Variants in ABCB10 observed in about 807,000 individuals in gnomAD.
The protein encoded by ABCB10 is ATP-binding cassette sub-family B member 10, mitochondrial.
ABCB10 carries 54 observed loss-of-function variants against 65.4 expected under a neutral mutation model. That is an observed-to-expected ratio of 0.83 (90% CI 0.66 to 1.04). The LOEUF (loss-of-function observed/expected upper bound fraction) is 1.04, where lower values mean the gene tolerates loss of function less well. ABCB10 is among the 50% of genes least tolerant of loss of function. The probability of loss-of-function intolerance (pLI) is 0.00; values close to 1 mark genes in which losing one functional copy is unlikely to be tolerated. For missense variants in ABCB10, 846 were observed against 976.6 expected (o/e 0.87, Z 1.78); for synonymous variants, 418 against 406.5 (o/e 1.03, Z -0.34).
In ABCB10 at chr1:229,558,214, G is replaced by T; in HGVS notation, c.439C>A (p.Leu147Met). ...GGGAGTCCGGCCGCTGCGGGGCGCA[G>T]CCGCCCCTTGTCCCCGGGAGGCGCC... is the stretch of plus-strand genomic sequence containing the variant. ...PAAPPGDKGR[L>M]RPAAAGLPEA... The change falls in exon 1 of 13, where the codon CTG becomes ATG. Residue 147 changes from leucine to methionine, a missense_variant. This residue lies in a region of ABCB10 where 632 missense variants were observed against 803.2 expected (regional missense o/e 0.79). Coordinates refer to ENST00000344517, the MANE Select transcript of ABCB10 (RefSeq NM_012089.3). The T allele has an allele frequency of 7.1e-7, 1 of 1,402,634 alleles. No individual in the cohort carries two copies. The highest frequency in any genetic ancestry group is 9.3e-7 in the Non-Finnish European group (1 of 1,079,652). 86.9% of individuals were successfully genotyped at this position (1,402,634 alleles called of 1,614,324 possible).
At chr1:229,519,819 G>GTAAGTAAA (rs1662260828) in intron 11 of ABCB10, among the ~76,000 whole-genome samples, 1 of 150,370 alleles carries the variant, frequency 6.7e-6, no homozygotes, top group Non-Finnish European at 1.5e-5. Flanking sequence ...AAGTAAGTAA[G>GTAAGTAAA]TAAATAAATA....
intron 9 of ABCB10, 42 bp from the exon 10 acceptor site, chr1:229,526,158 C>T: frequency 3.2e-6 from 5 of 1,566,970 alleles, no homozygotes; most frequent in East Asian, 2.3e-5. Flanking sequence ...TTCAAACAGA[C>T]TTAAAACATG....
At chr1:229,527,015 A>G (rs142605430) in intron 9 of ABCB10, among the ~76,000 whole-genome samples, 1 of 152,250 alleles carries the variant, frequency 6.6e-6, no homozygotes, top group Non-Finnish European at 1.5e-5. Flanking sequence ...TTTCAATAAA[A>G]AGTCAATGCT....
rs1044615419 is a variant in ABCB10, at chr1:229,539,611, C to G, written c.1204-20G>C. On this transcript the variant is annotated intron_variant, in intron 5 of 12. Transcript: ENST00000344517. ...CCCAGTCTGTCGAATGAAGAAAACA[C>G]AGAAGTCAGGTGGGAATCAAGGACC... is the stretch of plus-strand genomic sequence containing the variant. 2.5e-6 allele frequency: 4 copies of G among 1,609,008 alleles called. No homozygotes were observed. Among genetic ancestry groups the G allele is most frequent in the Middle Eastern group, 1.9e-4 (1 of 5,200 alleles).
At chr1:229,550,960 T>C (rs539225618) in intron 1 of ABCB10, among the ~76,000 whole-genome samples, 1 of 152,202 alleles carries the variant, frequency 6.6e-6, no homozygotes, top group African/African-American at 2.4e-5. Flanking sequence ...TTTTAAAAGA[T>C]AGTGATGGGG....
In ABCB10 at chr1:229,518,235, T is replaced by C. The variant is rs1166231893; in HGVS notation, c.2161A>G (p.Lys721Glu). ...AGTTTTCTGTATATCCCATTTGGTT[T>C]TGAAAGCAGCTCTTCATGTTTTCCA... is the stretch of plus-strand genomic sequence containing the variant. Reference protein sequence around the residue: ...EYGKHEELLSKPNGIYRKLMN... With the variant: ...EYGKHEELLSEPNGIYRKLMN... Residue 721 changes from lysine to glutamate, a missense_variant, in exon 13 of 13, where the codon AAA (lysine) becomes GAA (glutamate). Lys to Glu is a moderately conservative substitution (Grantham distance 56). Coordinates refer to ENST00000344517, the MANE Select transcript of ABCB10 (RefSeq NM_012089.3). 5.0e-6 allele frequency: 8 copies of C among 1,614,082 alleles called. No individual in the cohort carries two copies. The highest frequency in any genetic ancestry group is 6.8e-6 in the Non-Finnish European group (8 of 1,180,040).
chr1:229,529,364 A>AACAGTC (rs1663497541), intron 8 of ABCB10, among the ~76,000 whole-genome samples: 1 of 144,990 alleles, frequency 6.9e-6, no homozygotes, highest in Admixed American at 7.0e-5. Flanking sequence ...GTTTCAATGG[A>AACAGTC]ACAGTCACAT....
intron 8 of ABCB10, among the ~76,000 whole-genome samples, chr1:229,529,417 T>A (rs531872942): frequency 7.2e-6 from 1 of 138,848 alleles, no homozygotes; most frequent in Non-Finnish European, 1.5e-5. Context: ...ACACCTGTAA[T>A]CCCAGCACTT....
rs1662222953 is a variant in ABCB10 at position 229,518,254 on chromosome 1, T to A, written c.2142A>T (p.Lys714Asn). ...TTGGTTTTGAAAGCAGCTCTTCATG[T>A]TTTCCATATTCAGTAATTTTTCCTT... ...LDQGKITEYG[K>N]HEELLSKPNG... Residue 714 changes from lysine (K) to asparagine (N), a missense_variant, in exon 13 of 13, where the codon AAA (lysine) becomes AAT (asparagine). Around this residue, in one of 2 missense-constraint regions of ABCB10, gnomAD observed 632 missense variants for 803.2 expected, o/e 0.79. Coordinates refer to ENST00000344517, the MANE Select transcript of ABCB10 (RefSeq NM_012089.3). 1 of 1,614,060 alleles carries A rather than the reference T, an allele frequency of 6.2e-7. No individual in the cohort carries two copies. The highest frequency in any genetic ancestry group is 1.7e-5 in the Admixed American group (1 of 60,006).
intron 5 of ABCB10, 84 bp from the exon 6 acceptor site, chr1:229,539,675 T>C: frequency 1.4e-6 from 2 of 1,438,462 alleles, no homozygotes; most frequent in African/African-American, 1.5e-5. Context: ...GTAATGTCCC[T>C]TTTTCATTCA....
At chr1:229,540,578 T>C in intron 5 of ABCB10, 28 bp downstream of exon 5, 1 of 1,581,542 alleles carries the variant, frequency 6.3e-7, no homozygotes, top group Non-Finnish European at 8.6e-7. Context: ...ATTTGCCAAT[T>C]TTACTTTTTC....
At position 229,531,736 on chromosome 1, in the gene ABCB10, G is replaced by A; in HGVS notation, c.1340-5C>T. On this transcript the variant is annotated splice_region_variant and splice_polypyrimidine_tract_variant and intron_variant, in intron 6 of 12. Coordinates refer to ENST00000344517, the MANE Select transcript of ABCB10 (RefSeq NM_012089.3). ...CCGAGTAGAAAGAGCTCAGACCTGA[G>A]GATGAGAAGCAGAATCCACACACAT... 2 of 1,613,192 alleles carry A rather than the reference G, an allele frequency of 1.2e-6. No individual in the cohort carries two copies. Among genetic ancestry groups the A allele is most frequent in the Non-Finnish European group, 1.7e-6 (2 of 1,179,376 alleles).
At chr1:229,533,353 A>T (rs898503405) in intron 6 of ABCB10, among the ~76,000 whole-genome samples, 5 of 150,862 alleles carry the variant, frequency 3.3e-5, no homozygotes, top group Non-Finnish European at 5.9e-5. Context: ...CCAACTCCCA[A>T]CCTCAAGTGA....
chr1:229,543,398 T>C (rs1427252109), intron 3 of ABCB10, among the ~76,000 whole-genome samples: 1 of 152,208 alleles, frequency 6.6e-6, no homozygotes, highest in Non-Finnish European at 1.5e-5. Context: ...TGGCATCTCT[T>C]CGACAAATTA....
intron 6 of ABCB10, among the ~76,000 whole-genome samples, chr1:229,537,124 G>A (rs1298574641): frequency 6.6e-6 from 1 of 152,198 alleles, no homozygotes; most frequent in Admixed American, 6.5e-5. Context: ...GCAAACTTTG[G>A]TTGCCAGGAG....
intron 6 of ABCB10, among the ~76,000 whole-genome samples, chr1:229,538,624 A>G (rs554351600): frequency 6.6e-6 from 1 of 152,300 alleles, no homozygotes; most frequent in South Asian, 2.1e-4. Flanking sequence ...CAGAACTAAA[A>G]TGCTTTTTTC....
chr1:229,529,021 G>A (rs1385127076), intron 8 of ABCB10, among the ~76,000 whole-genome samples: 1 of 152,100 alleles, frequency 6.6e-6, no homozygotes, highest in Non-Finnish European at 1.5e-5. Flanking sequence ...GCTGGGCGCG[G>A]TGGCTCACGC....
At chr1:229,544,103 A>G (rs1662912744) in intron 3 of ABCB10, among the ~76,000 whole-genome samples, 1 of 152,242 alleles carries the variant, frequency 6.6e-6, no homozygotes, top group Non-Finnish European at 1.5e-5. Context: ...TGCTGGCACC[A>G]TAATGAAGTG....
intron 10 of ABCB10, among the ~76,000 whole-genome samples, chr1:229,522,301 G>T (rs1052646671): frequency 1.3e-5 from 2 of 152,142 alleles, no homozygotes; most frequent in African/African-American, 4.8e-5. Flanking sequence ...CAACCTCCTG[G>T]ACTCAAGTGA....
Sources: allele counts gnomAD v4.1 joint callset (sites outside exome capture counted in the v4.1 genomes callset), GRCh38; gene constraint gnomAD v4.1.1; regional missense constraint gnomAD v4.1.1; transcripts MANE v1.5; gene names NCBI Gene and HGNC (gene_info 2026-07-23, HGNC 2026-07-21).